The following ADAMTS16 variants were observed in gnomAD, a reference collection of about 807,000 sequenced individuals.
ADAMTS16 encodes the protein A disintegrin and metalloproteinase with thrombospondin motifs 16.
Under a neutral mutation model 145.8 loss-of-function variants are expected in ADAMTS16, and 94 were observed. The ratio of observed to expected loss-of-function variants is 0.64; its 90% CI spans 0.55 to 0.77. The LOEUF (loss-of-function observed/expected upper bound fraction) is 0.77. Among genes scored for constraint, ADAMTS16 ranks in the 30% least tolerant of loss-of-function variants. The pLI is 0.00. For missense variants in ADAMTS16, 1,585 were observed against 1,591.5 expected, an observed-to-expected ratio of 1.00 and a Z score of 0.07; for synonymous variants, 659 against 604.3, an observed-to-expected ratio of 1.09 and a Z score of -1.33.
At chr5:5,270,125 C>T (rs1309700092) in intron 18 of ADAMTS16, among the ~76,000 whole-genome samples, 1 of 152,168 alleles carries the variant, frequency 6.6e-6, no homozygotes, top group Non-Finnish European at 1.5e-5. Flanking sequence ...TGCTTTCCTG[C>T]CTGGGAGAAT....
chr5:5,159,010 GC>G (rs1466427465), intron 3 of ADAMTS16, among the ~76,000 whole-genome samples: 1 of 152,204 alleles, frequency 6.6e-6, no homozygotes, highest in Non-Finnish European at 1.5e-5. Flanking sequence ...AAAGGCTGGC[GC>G]TTCTCGTAAA....
chr5:5,141,274 A>G (rs1028355617), intron 2 of ADAMTS16, among the ~76,000 whole-genome samples: 1 of 152,208 alleles, frequency 6.6e-6, no homozygotes, highest in African/African-American at 2.4e-5. Flanking sequence ...TCCAACAATC[A>G]GGGCGTACTT....
intron 10 of ADAMTS16, among the ~76,000 whole-genome samples, chr5:5,215,866 ATGTG>A (rs1299495343): frequency 2.0e-5 from 1 of 50,590 alleles, no homozygotes; most frequent in Non-Finnish European, 4.1e-5. Context: ...TGTGGTGTGT[ATGTG>A]TATATATATA....
Position 5,319,899 on chromosome 5 carries a change from T to C in ADAMTS16, c.*761T>C. 2.2e-6 allele frequency: 1 copy of C among 455,758 alleles called. No homozygotes were observed. Among genetic ancestry groups the C allele is most frequent in the Non-Finnish European group, 4.4e-6 (1 of 226,786 alleles). The allele number at this position is 455,758 out of a possible 1,614,324, so 28.2% of individuals were successfully genotyped here. A position where few individuals can be genotyped will look rare whatever the true frequency, so the allele number is the denominator to read the frequency against. On this transcript the variant is annotated 3_prime_UTR_variant, in exon 23 of 23. Coordinates refer to ENST00000274181, the MANE Select transcript of ADAMTS16 (RefSeq NM_139056.4). ...TCTTTCTCAGTTATTTGCAAGTGAG[T>C]GTCCTTTTAAAAACACACTTCTTCA...
chr5:5,226,541 C>T (rs186167255), intron 11 of ADAMTS16, among the ~76,000 whole-genome samples: 41 of 152,206 alleles, frequency 2.7e-4, no homozygotes, highest in Non-Finnish European at 5.7e-4. Context: ...TATAAGACAT[C>T]CAAGTCTCAC....
intron 21 of ADAMTS16, among the ~76,000 whole-genome samples, chr5:5,313,212 G>C (rs1385244740): frequency 6.6e-6 from 1 of 152,168 alleles, no homozygotes; most frequent in Non-Finnish European, 1.5e-5. Context: ...TGAAAGGGCT[G>C]TGTTTACCAT....
At chr5:5,244,244 T>A (rs1003134984) in intron 17 of ADAMTS16, among the ~76,000 whole-genome samples, 14 of 152,354 alleles carry the variant, frequency 9.2e-5, no homozygotes, top group Non-Finnish European at 1.6e-4. Context: ...TCGATCCTCC[T>A]CTGTTTTCGT....
intron 18 of ADAMTS16, among the ~76,000 whole-genome samples, chr5:5,300,207 G>A (rs756794108): frequency 2.6e-5 from 4 of 152,166 alleles, no homozygotes; most frequent in Non-Finnish European, 4.4e-5. Flanking sequence ...AATTTATAAG[G>A]CTGCAGGATT....
Position 5,190,079 on chromosome 5 carries a change from C to T in ADAMTS16, c.1156C>T (p.Leu386=). 1 of 1,612,718 alleles carries T rather than the reference C, an allele frequency of 6.2e-7. No homozygotes were observed. The highest frequency in any genetic ancestry group is 8.5e-7 in the Non-Finnish European group (1 of 1,179,476). ...DGTRHDHAIL[L]TGLDICSWKN... ...GACTCGTCATGACCACGCCATCTTA[C>T]TGACTGGTCTGGATATATGTTCCTG... The change falls in exon 7 of 23, where the codon CTG becomes TTG. Residue 386 remains leucine, a synonymous_variant. Coordinates refer to ENST00000274181, the MANE Select transcript of ADAMTS16 (RefSeq NM_139056.4).
chr5:5,159,174 A>T (rs965199979), intron 3 of ADAMTS16, among the ~76,000 whole-genome samples: 4 of 152,252 alleles, frequency 2.6e-5, no homozygotes, highest in Non-Finnish European at 5.9e-5. Flanking sequence ...CTGCAAAATA[A>T]ATCAGCAGGA....
chr5:5,283,286 T>A (rs1228574343), intron 18 of ADAMTS16, among the ~76,000 whole-genome samples: 1 of 152,246 alleles, frequency 6.6e-6, no homozygotes, highest in Admixed American at 6.5e-5. Flanking sequence ...TTTTATCTGA[T>A]TATGGAAACA....
intron 21 of ADAMTS16, among the ~76,000 whole-genome samples, chr5:5,315,597 G>A (rs1175919038): frequency 3.9e-5 from 6 of 152,150 alleles, no homozygotes; most frequent in African/African-American, 1.4e-4. Flanking sequence ...TGCGGATGTG[G>A]CCAAAGGGTT....
chr5:5,152,089 C>A (rs1216104502), intron 3 of ADAMTS16, among the ~76,000 whole-genome samples: 3 of 152,226 alleles, frequency 2.0e-5, no homozygotes, highest in South Asian at 2.1e-4. Context: ...TAGTTGCTCA[C>A]AACCAAAATC....
intron 18 of ADAMTS16, among the ~76,000 whole-genome samples, chr5:5,265,438 TGGCG>T (rs1579356562): frequency 6.6e-6 from 1 of 152,126 alleles, no homozygotes; most frequent in East Asian, 1.9e-4. Context: ...GTTTGCCAAC[TGGCG>T]GTCATAGAAG....
intron 3 of ADAMTS16, among the ~76,000 whole-genome samples, chr5:5,172,420 C>T (rs978457352): frequency 6.6e-6 from 1 of 151,674 alleles, no homozygotes; most frequent in African/African-American, 2.4e-5. Flanking sequence ...TTGCCTTATC[C>T]CATAAATTTT....
At chr5:5,249,903 G>A (rs981745850) in intron 17 of ADAMTS16, among the ~76,000 whole-genome samples, 3 of 152,130 alleles carry the variant, frequency 2.0e-5, no homozygotes, top group African/African-American at 7.2e-5. Context: ...ACTGGAAAGG[G>A]GGTGGAGTGG....
At chr5:5,303,182 C>T (rs932424093) in intron 18 of ADAMTS16, 86 bp from the exon 19 acceptor site, 20 of 1,364,390 alleles carry the variant, frequency 1.5e-5, no homozygotes, top group Non-Finnish European at 1.7e-5. Context: ...TGGGAAATCG[C>T]GCCGCTGCCT....
chr5:5,216,165 A>G (rs1470098909), intron 10 of ADAMTS16, among the ~76,000 whole-genome samples: 3 of 152,010 alleles, frequency 2.0e-5, no homozygotes, highest in Admixed American at 6.6e-5. Flanking sequence ...CCAGCAGTGT[A>G]GAAGCGTTCC....
At chr5:5,280,099 C>T (rs940410139) in intron 18 of ADAMTS16, among the ~76,000 whole-genome samples, 7 of 152,122 alleles carry the variant, frequency 4.6e-5, no homozygotes, top group African/African-American at 1.7e-4. Flanking sequence ...AGATTTTGCT[C>T]CTTTTTTGTG....
Sources: gnomAD v4.1 joint callset for allele counts (sites outside exome capture counted in the v4.1 genomes callset) on GRCh38, gnomAD v4.1.1 for gene constraint, MANE v1.5 for transcripts, NCBI Gene and HGNC (gene_info 2026-07-23, HGNC 2026-07-21) for gene names.